ADAMTSL1: variants seen among roughly 807,000 people sequenced by gnomAD.
The protein encoded by ADAMTSL1 is ADAMTS-like protein 1.
ADAMTSL1 carries 126 observed loss-of-function variants against 201.8 expected under a neutral mutation model. The ratio of observed to expected loss-of-function variants is 0.62; its 90% confidence interval spans 0.54 to 0.72. The LOEUF (loss-of-function observed/expected upper bound fraction) is 0.72, where lower values mean the gene tolerates loss of function less well. Ranked by LOEUF, ADAMTSL1 falls within the 30% of genes least tolerant of loss-of-function variation. ADAMTSL1 has a pLI of 0.00. For synonymous variants in ADAMTSL1, 1,121 were observed against 903.4 expected (o/e 1.24, Z -4.32); for missense variants, 2,679 against 2,277.8 (o/e 1.18, Z -3.59).
At chr9:18,275,256 C>G (rs1832541004) in intron 2 of ADAMTSL1, among the ~76,000 whole-genome samples, 1 of 152,110 alleles carries the variant, frequency 6.6e-6, no homozygotes, top group Non-Finnish European at 1.5e-5. Flanking sequence ...CACTTACTCC[C>G]ATTATTGTGC....
At chr9:18,406,672 C>T (rs1037851052) in intron 2 of ADAMTSL1, among the ~76,000 whole-genome samples, 1 of 152,076 alleles carries the variant, frequency 6.6e-6, no homozygotes, top group Non-Finnish European at 1.5e-5. Context: ...TGGAAAACTG[C>T]TCCTCTGTTT....
intron 15 of ADAMTSL1, among the ~76,000 whole-genome samples, chr9:18,747,043 T>C (rs1036596162): frequency 6.6e-6 from 1 of 152,154 alleles, no homozygotes; most frequent in Non-Finnish European, 1.5e-5. Context: ...AATAGATCTG[T>C]CATTTTGTCA....
intron 1 of ADAMTSL1, among the ~76,000 whole-genome samples, chr9:17,929,973 G>T (rs1182281016): frequency 6.6e-6 from 1 of 151,986 alleles, no homozygotes; most frequent in Non-Finnish European, 1.5e-5. Context: ...GTTGAAAAAA[G>T]GATTAATGAA....
intron 3 of ADAMTSL1, among the ~76,000 whole-genome samples, chr9:18,537,331 A>G (rs1252067017): frequency 6.6e-6 from 1 of 152,238 alleles, no homozygotes. Context: ...ACACTTGAAT[A>G]ACAAGAAGAA....
At chr9:18,239,204 T>G (rs955445700) in intron 2 of ADAMTSL1, among the ~76,000 whole-genome samples, 1 of 152,160 alleles carries the variant, frequency 6.6e-6, no homozygotes, top group Non-Finnish European at 1.5e-5. Context: ...AATAATACCT[T>G]AAGACAACAA....
At chr9:18,507,106 T>TA (rs1817716545) in intron 2 of ADAMTSL1, among the ~76,000 whole-genome samples, 1 of 152,226 alleles carries the variant, frequency 6.6e-6, no homozygotes, top group Non-Finnish European at 1.5e-5. Context: ...ATATATGCCC[T>TA]ATCATATATT....
chr9:18,192,285 A>C (rs1208675664), intron 2 of ADAMTSL1, among the ~76,000 whole-genome samples: 3 of 152,170 alleles, frequency 2.0e-5, no homozygotes, highest in African/African-American at 7.2e-5. Context: ...CACTTAGAGC[A>C]TGTCAGGAAG....
intron 1 of ADAMTSL1, among the ~76,000 whole-genome samples, chr9:18,126,498 C>T (rs1825733765): frequency 6.6e-6 from 1 of 152,184 alleles, no homozygotes; most frequent in Non-Finnish European, 1.5e-5. Context: ...CATCTGTTTA[C>T]TTGTCTACCT....
chr9:18,272,882 C>A (rs563919133), intron 2 of ADAMTSL1, among the ~76,000 whole-genome samples: 2 of 152,258 alleles, frequency 1.3e-5, no homozygotes, highest in African/African-American at 4.8e-5. Flanking sequence ...CTGCACCAAC[C>A]TTTGTTTTGC....
chr9:17,942,158 G>C (rs755813175), intron 1 of ADAMTSL1, among the ~76,000 whole-genome samples: 15 of 152,260 alleles, frequency 9.9e-5, no homozygotes, highest in Admixed American at 3.3e-4. Flanking sequence ...CAGGGGGATA[G>C]AGAGTTATTG....
chr9:18,162,330 C>T (rs1827427564), intron 1 of ADAMTSL1, among the ~76,000 whole-genome samples: 1 of 151,994 alleles, frequency 6.6e-6, no homozygotes, highest in Non-Finnish European at 1.5e-5. Context: ...TTTGTTTTTA[C>T]ATACTCATGT....
At chr9:17,986,130 A>G (rs1021688672) in intron 1 of ADAMTSL1, among the ~76,000 whole-genome samples, 8 of 152,122 alleles carry the variant, frequency 5.3e-5, no homozygotes, top group Admixed American at 3.9e-4. Context: ...GTCCTTGGAT[A>G]TTGCTTGGAG....
intron 2 of ADAMTSL1, among the ~76,000 whole-genome samples, chr9:18,235,434 T>A (rs1830810285): frequency 6.6e-6 from 1 of 152,190 alleles, no homozygotes; most frequent in Admixed American, 6.5e-5. Flanking sequence ...CCTAGGCTTC[T>A]CCACTCTAAT....
intron 2 of ADAMTSL1, among the ~76,000 whole-genome samples, chr9:18,437,478 C>A (rs1287471172): frequency 6.6e-6 from 1 of 152,040 alleles, no homozygotes; most frequent in Non-Finnish European, 1.5e-5. Flanking sequence ...TCCTTAACTG[C>A]CTTCTCACTG....
chr9:18,088,393 A>C (rs891885721), intron 1 of ADAMTSL1, among the ~76,000 whole-genome samples: 2 of 152,218 alleles, frequency 1.3e-5, no homozygotes, highest in African/African-American at 4.8e-5. Context: ...AAATTAGACA[A>C]GTCACACCAC....
chr9:18,516,644 G>A (rs1235688788), intron 2 of ADAMTSL1, among the ~76,000 whole-genome samples: 1 of 152,192 alleles, frequency 6.6e-6, no homozygotes, highest in Non-Finnish European at 1.5e-5. Flanking sequence ...TTCTCTACTT[G>A]TATGACATTG....
chr9:17,922,999 G>A (rs1826370008), intron 1 of ADAMTSL1, among the ~76,000 whole-genome samples: 1 of 152,122 alleles, frequency 6.6e-6, no homozygotes, highest in Non-Finnish European at 1.5e-5. Flanking sequence ...AAGTCATCAT[G>A]CCCCTGGAAG....
intron 1 of ADAMTSL1, among the ~76,000 whole-genome samples, chr9:17,931,255 G>A (rs1826771955): frequency 6.6e-6 from 1 of 152,092 alleles, no homozygotes; most frequent in Non-Finnish European, 1.5e-5. Flanking sequence ...GCAGAAATTC[G>A]AGCCCGGGTG....
chr9:18,604,895 C>T (rs1824913621), intron 4 of ADAMTSL1, among the ~76,000 whole-genome samples: 1 of 152,278 alleles, frequency 6.6e-6, no homozygotes, highest in Non-Finnish European at 1.5e-5. Flanking sequence ...CCTACTCATG[C>T]CTACTCTTAG....
Sources: allele counts gnomAD v4.1 joint callset (sites outside exome capture counted in the v4.1 genomes callset), GRCh38; gene constraint gnomAD v4.1.1; transcripts MANE v1.5; gene names NCBI Gene and HGNC (gene_info 2026-07-23, HGNC 2026-07-21).